The following CACHD1 variants were observed in gnomAD, a reference collection of about 807,000 sequenced individuals.
CACHD1 encodes cache domain containing 1, also known as VWFA and cache domain-containing protein 1.
Under a neutral mutation model 138.7 loss-of-function variants are expected in CACHD1, and 71 were observed. The observed-to-expected ratio is 0.51, with a 90% CI of 0.42 to 0.62. CACHD1 has a LOEUF of 0.62. Ranked by LOEUF, CACHD1 falls within the 20% of genes least tolerant of loss-of-function variation. The pLI is 0.00. For missense variants in CACHD1, 1,389 were observed against 1,625.3 expected (o/e 0.85, Z 2.50); for synonymous variants, 578 against 591.5 (o/e 0.98, Z 0.33).
chr1:64,579,333 T>C (rs1171398454), intron 2 of CACHD1, among the ~76,000 whole-genome samples: 1 of 152,192 alleles, frequency 6.6e-6, no homozygotes, highest in Admixed American at 6.5e-5. Flanking sequence ...TCTTCAAAGT[T>C]AGAATCCTCC....
chr1:64,519,405 A>G (rs1249426834), intron 1 of CACHD1, among the ~76,000 whole-genome samples: 1 of 152,224 alleles, frequency 6.6e-6, no homozygotes, highest in Non-Finnish European at 1.5e-5. Flanking sequence ...AAGGAGTACC[A>G]TAGAAAAATT....
chr1:64,498,848 G>C (rs1646321708), intron 1 of CACHD1, among the ~76,000 whole-genome samples: 1 of 152,204 alleles, frequency 6.6e-6, no homozygotes, highest in South Asian at 2.1e-4. Flanking sequence ...AAAATGACCA[G>C]AAAGAAAGTG....
At chr1:64,687,399 A>G (rs1156589065) in intron 26 of CACHD1, among the ~76,000 whole-genome samples, 3 of 152,162 alleles carry the variant, frequency 2.0e-5, no homozygotes, top group African/African-American at 7.2e-5. Flanking sequence ...GAAGTTACAG[A>G]GGAGTTGAGC....
At chr1:64,544,598 G>A (rs973770785) in intron 1 of CACHD1, among the ~76,000 whole-genome samples, 6 of 151,552 alleles carry the variant, frequency 4.0e-5, no homozygotes, top group South Asian at 2.1e-4. Flanking sequence ...GCACACGTGC[G>A]CACAAACACA....
Position 64,537,458 on chromosome 1 carries a change from A to T in CACHD1, c.199-13136A>T, listed in dbSNP as rs114998067. On this transcript the variant is annotated intron_variant, in intron 1 of 26. Coordinates refer to ENST00000651257, the MANE Select transcript of CACHD1 (RefSeq NM_020925.4). ...CAGGTCTTATAAACAAGGGGGAAAAAATCACTTTCTCAAGGACCCAACTTG... is the reference window on the plus strand; with the variant it reads ...CAGGTCTTATAAACAAGGGGGAAAATATCACTTTCTCAAGGACCCAACTTG... Among the ~76,000 whole-genome samples, 460 of 152,272 alleles carry T rather than the reference A, an allele frequency of 3.0e-3. 2 individuals are homozygous for T. Among genetic ancestry groups the T allele is most frequent in the African/African-American group, 0.011 (443 of 41,544 alleles).
chr1:64,543,861 C>G (rs1482174011), intron 1 of CACHD1, among the ~76,000 whole-genome samples: 1 of 124,602 alleles, frequency 8.0e-6, no homozygotes, highest in African/African-American at 2.8e-5. Flanking sequence ...ATTACCTTTT[C>G]AGTGCTTTTT....
At chr1:64,691,133 G>C (rs1393726319) in intron 26 of CACHD1, among the ~76,000 whole-genome samples, 190 bp from the exon 27 acceptor site, 1 of 151,754 alleles carries the variant, frequency 6.6e-6, no homozygotes, top group Non-Finnish European at 1.5e-5. Flanking sequence ...TGTTTTTTAA[G>C]GGAAAAAAAG....
chr1:64,502,533 T>G (rs577094098), intron 1 of CACHD1, among the ~76,000 whole-genome samples: 1 of 152,286 alleles, frequency 6.6e-6, no homozygotes. Context: ...TCTCTGTGTG[T>G]GTATGTGTAT....
intron 13 of CACHD1, among the ~76,000 whole-genome samples, chr1:64,659,539 C>T (rs944268658): frequency 6.6e-6 from 1 of 152,124 alleles, no homozygotes; most frequent in African/African-American, 2.4e-5. Context: ...TTATTACGTA[C>T]CAGATGTTTT....
At chr1:64,493,714 T>C (rs1234710775) in intron 1 of CACHD1, among the ~76,000 whole-genome samples, 1 of 151,934 alleles carries the variant, frequency 6.6e-6, no homozygotes, top group African/African-American at 2.4e-5. Flanking sequence ...CCAAGAAGAG[T>C]GGAGGCCCCC....
intron 3 of CACHD1, among the ~76,000 whole-genome samples, chr1:64,586,505 T>C (rs968483340): frequency 2.2e-5 from 3 of 139,176 alleles, no homozygotes; most frequent in Non-Finnish European, 4.4e-5. Context: ...GGTTAAAAAC[T>C]TTTTTTTTAA....
At chr1:64,508,068 A>G (rs1646390797) in intron 1 of CACHD1, among the ~76,000 whole-genome samples, 2 of 152,206 alleles carry the variant, frequency 1.3e-5, no homozygotes, top group Admixed American at 1.3e-4. Context: ...TGAGGGGGCA[A>G]AGCAGGCAAA....
chr1:64,494,273 C>T (rs1022361780), intron 1 of CACHD1, among the ~76,000 whole-genome samples: 1 of 152,186 alleles, frequency 6.6e-6, no homozygotes, highest in African/African-American at 2.4e-5. Flanking sequence ...CAGGTAGGGG[C>T]TTGTAAAGTG....
chr1:64,606,065 C>T (rs2100585984), intron 4 of CACHD1, among the ~76,000 whole-genome samples: 1 of 150,638 alleles, frequency 6.6e-6, no homozygotes, highest in South Asian at 2.1e-4. Flanking sequence ...TAAATGCCTT[C>T]TGCATAGTAA....
chr1:64,652,367 G>A (rs943789052), intron 10 of CACHD1, 57 bp downstream of exon 10: 4 of 1,444,348 alleles, frequency 2.8e-6, no homozygotes, highest in African/African-American at 1.4e-5. Context: ...AAGAAAATAA[G>A]GTATAGATAT....
chr1:64,648,094 G>A, intron 9 of CACHD1, 60 bp downstream of exon 9: 1 of 1,292,388 alleles, frequency 7.7e-7, no homozygotes, highest in Non-Finnish European at 1.1e-6. Context: ...GATAGAAATG[G>A]CACCTCTTTC....
At chr1:64,616,406 T>C (rs1316088978) in intron 4 of CACHD1, among the ~76,000 whole-genome samples, 1 of 152,156 alleles carries the variant, frequency 6.6e-6, no homozygotes. Flanking sequence ...GATAACATGC[T>C]AAGTGCTGTG....
chr1:64,623,266 GT>G (rs1647980047), intron 4 of CACHD1, among the ~76,000 whole-genome samples: 1 of 151,992 alleles, frequency 6.6e-6, no homozygotes, highest in South Asian at 2.1e-4. Flanking sequence ...GCTGGGCATG[GT>G]GACGGGTACC....
At chr1:64,507,096 T>C (rs1404207203) in intron 1 of CACHD1, among the ~76,000 whole-genome samples, 1 of 152,246 alleles carries the variant, frequency 6.6e-6, no homozygotes, top group Non-Finnish European at 1.5e-5. Context: ...AGTTCATGAC[T>C]CGTAAATTAG....
Sources: allele counts gnomAD v4.1 joint callset (sites outside exome capture counted in the v4.1 genomes callset), GRCh38; gene constraint gnomAD v4.1.1; transcripts MANE v1.5; gene names NCBI Gene and HGNC (gene_info 2026-07-23, HGNC 2026-07-21).